GLMN: variants seen among roughly 807,000 people sequenced by gnomAD.
GLMN encodes the protein glomulin, FKBP associated protein, also known as glomulin.
GLMN carries 75 observed loss-of-function variants against 87.8 expected under a neutral mutation model. The observed-to-expected ratio is 0.85, with a 90% CI of 0.71 to 1.04. The LOEUF (loss-of-function observed/expected upper bound fraction) is 1.04. Among genes scored for constraint, GLMN ranks in the 50% least tolerant of loss-of-function variants. The pLI, the probability that GLMN is intolerant of heterozygous loss-of-function variation, is 0.00. For missense variants in GLMN, 588 were observed against 658.8 expected, an observed-to-expected ratio of 0.89 and a Z score of 1.18; for synonymous variants, 206 against 221.6, an observed-to-expected ratio of 0.93 and a Z score of 0.63.
At chr1:92,292,732 CTTT>C (rs1177905555) in intron 3 of GLMN, among the ~76,000 whole-genome samples, 2 of 119,664 alleles carry the variant, frequency 1.7e-5, no homozygotes, top group Admixed American at 8.2e-5. Context: ...CTTTTCTTTT[CTTT>C]TTTTTTTTTT....
the GLMN span, among the ~76,000 whole-genome samples, chr1:92,352,645 C>T: frequency 6.6e-6 from 1 of 152,120 alleles, no homozygotes; most frequent in Non-Finnish European, 1.5e-5. Context: ...TATTTCCTTA[C>T]AACTATGGAA....
At chr1:92,305,377 G>A in the GLMN span, among the ~76,000 whole-genome samples, 2 of 139,850 alleles carry the variant, frequency 1.4e-5, no homozygotes, top group Non-Finnish European at 3.0e-5. Context: ...AGCTTGCAGT[G>A]AGCCGAGATC....
the GLMN span, among the ~76,000 whole-genome samples, chr1:92,353,687 C>T: frequency 6.6e-6 from 1 of 152,064 alleles, no homozygotes; most frequent in South Asian, 2.1e-4. Flanking sequence ...ATCCTATCAC[C>T]TTTGTCATTG....
the GLMN span, among the ~76,000 whole-genome samples, chr1:92,344,130 C>A: frequency 6.6e-6 from 1 of 152,166 alleles, no homozygotes; most frequent in African/African-American, 2.4e-5. Flanking sequence ...GCTATACCAG[C>A]TGGGCACCGT....
chr1:92,370,317 A>G, the GLMN span, among the ~76,000 whole-genome samples: 3 of 152,220 alleles, frequency 2.0e-5, no homozygotes, highest in African/African-American at 7.2e-5. Flanking sequence ...AGAAGTGAGT[A>G]TAGGAAAGAA....
upstream of GLMN, chr1:92,300,160 CATT>C: frequency 3.3e-6 from 5 of 1,502,264 alleles, no homozygotes; most frequent in South Asian, 1.1e-5. Context: ...ACGGAAATGT[CATT>C]ATGTAGCACA....
intron 3 of GLMN, 109 bp from the exon 4 acceptor site, chr1:92,291,646 G>T: frequency 9.6e-7 from 1 of 1,045,114 alleles, no homozygotes; most frequent in Non-Finnish European, 1.5e-6. Context: ...AGGAAGATGA[G>T]ACAAGTGAAG....
At chr1:92,274,624 C>T (rs1464494370) in intron 7 of GLMN, among the ~76,000 whole-genome samples, 2 of 152,042 alleles carry the variant, frequency 1.3e-5, no homozygotes, top group Admixed American at 1.3e-4. Context: ...ATTTATTTTT[C>T]AATCAAGCAA....
At chr1:92,350,370 CT>C in the GLMN span, among the ~76,000 whole-genome samples, 23 of 152,226 alleles carry the variant, frequency 1.5e-4, no homozygotes, top group African/African-American at 5.1e-4. Context: ...AATTGATTGA[CT>C]TTTTTTAGAA....
At chr1:92,355,339 A>G in the GLMN span, among the ~76,000 whole-genome samples, 7 of 152,178 alleles carry the variant, frequency 4.6e-5, no homozygotes, top group Non-Finnish European at 8.8e-5. Context: ...TGTTGGCAGT[A>G]TGAGGGATTG....
intron 16 of GLMN, among the ~76,000 whole-genome samples, chr1:92,260,522 G>C (rs1654892151): frequency 6.6e-6 from 1 of 152,000 alleles, no homozygotes; most frequent in Non-Finnish European, 1.5e-5. Context: ...GACTGAGGCA[G>C]GAGAATCATT....
chr1:92,286,971 A>T (rs1200863843), intron 6 of GLMN, among the ~76,000 whole-genome samples: 1 of 152,238 alleles, frequency 6.6e-6, no homozygotes, highest in Non-Finnish European at 1.5e-5. Flanking sequence ...TAAATCACCC[A>T]GTCTTAGGTA....
chr1:92,333,935 TGCACTTTA>T, the GLMN span, among the ~76,000 whole-genome samples: 3 of 152,266 alleles, frequency 2.0e-5, no homozygotes, highest in African/African-American at 7.2e-5. Context: ...AACTCAACGT[TGCACTTTA>T]GCTTTAAACT....
rs189918189 is a variant in GLMN at position 92,285,737 on chromosome 1, C to T, written c.735+753G>A. On this transcript the variant is annotated intron_variant, in intron 7 of 18. Coordinates refer to ENST00000370360, the MANE Select transcript of GLMN (RefSeq NM_053274.3). ...ATGTTACTCCTATGCTGCACCTGCACTCATGTAGCTGAACATGGCTGAAGA... is the reference window on the plus strand; with the variant it reads ...ATGTTACTCCTATGCTGCACCTGCATTCATGTAGCTGAACATGGCTGAAGA... Among the ~76,000 whole-genome samples, 29 of 152,310 alleles carry T rather than the reference C, an allele frequency of 1.9e-4. No homozygotes were observed. The East Asian group carries it at 2.9e-3, about 15-fold the overall frequency.
the GLMN span, among the ~76,000 whole-genome samples, chr1:92,322,408 G>T: frequency 1.3e-5 from 2 of 151,486 alleles, no homozygotes; most frequent in Non-Finnish European, 2.9e-5. Flanking sequence ...GCTGGGCATG[G>T]TGGTGTGCAC....
chr1:92,332,824 G>T, the GLMN span, among the ~76,000 whole-genome samples: 1 of 152,114 alleles, frequency 6.6e-6, no homozygotes, highest in African/African-American at 2.4e-5. Context: ...TAGAAAATTA[G>T]TGCTCTATCT....
At chr1:92,302,330 G>GA (rs777891331), upstream of GLMN, among the ~76,000 whole-genome samples, 123 of 132,162 alleles carry the variant, frequency 9.3e-4, 1 homozygote, top group African/African-American at 2.3e-3. Context: ...GGATGGGGGA[G>GA]AAAAAAAAAA....
At chr1:92,336,829 ATG>A in the GLMN span, among the ~76,000 whole-genome samples, 1,517 of 152,248 alleles carry the variant, frequency 1.0e-2, 25 homozygotes, top group African/African-American at 0.035. Context: ...TGTGAAGATC[ATG>A]TGAGTACAGT....
intron 16 of GLMN, among the ~76,000 whole-genome samples, chr1:92,254,058 T>C (rs544805503): frequency 1.3e-5 from 2 of 152,250 alleles, no homozygotes; most frequent in East Asian, 3.9e-4. Context: ...ATAAGCAGTT[T>C]AGAGAAGAAC....
Sources: allele counts gnomAD v4.1 joint callset (sites outside exome capture counted in the v4.1 genomes callset), GRCh38; gene constraint gnomAD v4.1.1; transcripts MANE v1.5; gene names NCBI Gene and HGNC (gene_info 2026-07-23, HGNC 2026-07-21).